The following SPATA2 variants were observed in gnomAD, a reference collection of about 807,000 sequenced individuals.
SPATA2 encodes the protein spermatogenesis-associated protein 2.
A neutral mutation model predicts 35.4 loss-of-function variants in SPATA2; 8 were observed. The observed-to-expected ratio is 0.23, with a 90% confidence interval of 0.13 to 0.41. The LOEUF is 0.41. Among genes scored for constraint, SPATA2 ranks in the 10% least tolerant of loss-of-function variants. The pLI, the probability that SPATA2 is intolerant of heterozygous loss-of-function variation, is 1.00. For synonymous variants in SPATA2, 293 were observed against 300.9 expected, an observed-to-expected ratio of 0.97 and a Z score of 0.27; for missense variants, 650 against 698.7, an observed-to-expected ratio of 0.93 and a Z score of 0.79.
At chr20:49,907,461 T>C (rs1196967807) in intron 2 of SPATA2, among the ~76,000 whole-genome samples, 1 of 152,126 alleles carries the variant, frequency 6.6e-6, no homozygotes, top group African/African-American at 2.4e-5. Context: ...CATGGCTGAA[T>C]AAAGGGGCCA....
chr20:49,913,650 T>C (rs1600857649), intron 1 of SPATA2: 2 of 151,678 alleles, frequency 1.3e-5, no homozygotes, highest in African/African-American at 4.9e-5. Context: ...GCGAGCAGAG[T>C]TGAGTTACAA....
rs143910300 is a variant in SPATA2, at chr20:49,906,304, C to A, written c.878G>T (p.Arg293Leu). The change falls in exon 3 of 3, where the codon CGC becomes CTC. Residue 293 changes from arginine (R) to leucine (L), a missense_variant. Arg to Leu is a moderately radical substitution (Grantham distance 102, BLOSUM62 -2). Coordinates refer to ENST00000289431, the MANE Select transcript of SPATA2 (RefSeq NM_006038.4). The surrounding 1 kb of genome is among the most constrained non-coding windows in gnomAD (Gnocchi z 8.2). ...CATGGTCAGCAGCGAAGGGGATGGG[C>A]GGATGATCTCATCCTTGAGGTCGTC... is the stretch of plus-strand genomic sequence containing the variant. ...VGDDLKDEII[R>L]PSPSLLTMAS... The A allele has an allele frequency of 7.5e-6, 12 of 1,590,356 alleles. No individual in the cohort carries two copies. The highest frequency in any genetic ancestry group is 9.4e-6 in the Non-Finnish European group (11 of 1,167,052).
chr20:49,903,793 A>G lies in SPATA2; in HGVS notation c.*1826T>C, dbSNP rs2090120963. 6.6e-6 allele frequency: 1 copy of G among 151,806 alleles called. No homozygotes were observed. 9.4% of individuals were successfully genotyped at this position (151,806 alleles called of 1,614,324 possible). A position where few individuals can be genotyped will look rare whatever the true frequency, so the allele number is the denominator to read the frequency against. The stretch of plus-strand genomic sequence containing the variant: ...GGCATTGCCGATTCTGAAATGTGAA[A>G]AGGAAGAACATCAAAGATGAATGCC... On this transcript the variant is annotated 3_prime_UTR_variant, in exon 3 of 3. Coordinates refer to ENST00000289431, the MANE Select transcript of SPATA2 (RefSeq NM_006038.4).
In SPATA2 at chr20:49,905,678, T is replaced by A; in HGVS notation, c.1504A>T (p.Met502Leu). The A allele has an allele frequency of 6.2e-7, 1 of 1,614,250 alleles. No homozygotes were observed. Among genetic ancestry groups the A allele is most frequent in the South Asian group, 1.1e-5 (1 of 91,084 alleles). Residue 502 changes from methionine (M) to leucine (L), a missense_variant, in exon 3 of 3, where the codon ATG becomes TTG. Physicochemically the swap from Met to Leu is conservative, Grantham distance 15 (BLOSUM62 2). Coordinates refer to ENST00000289431, the MANE Select transcript of SPATA2 (RefSeq NM_006038.4). ...CYKKSELHKF[M>L]PNNQLNYKST... ...TTGTAGTTCAGCTGGTTGTTGGGCA[T>A]GAACTTGTGCAGCTCACTCTTTTTG...
intron 1 of SPATA2, 130 bp downstream of exon 1, chr20:49,915,250 C>G (rs1055519114): frequency 2.6e-5 from 4 of 152,494 alleles, no homozygotes; most frequent in South Asian, 2.1e-4. Flanking sequence ...AAACAGCGGG[C>G]CCACCTGTAG....
At chr20:49,910,220 G>A (rs1378924242) in intron 1 of SPATA2, among the ~76,000 whole-genome samples, 1 of 152,216 alleles carries the variant, frequency 6.6e-6, no homozygotes, top group East Asian at 1.9e-4. Context: ...TGAGGCCAGG[G>A]CTGCTTCTCC....
In SPATA2 at chr20:49,906,922, G is replaced by A; in HGVS notation, c.337-77C>T. On this transcript the variant is annotated intron_variant, in intron 2 of 2. Transcript: ENST00000289431. The surrounding 1 kb of genome is among the most constrained non-coding windows in gnomAD (Gnocchi z 8.2). ...AGACAGAGACTATGTCAAAGCAAAG[G>A]ATGTCCAGCTCTGAAGTGGGGCGGC... 6.7e-7 allele frequency: 1 copy of A among 1,500,794 alleles called. No homozygotes were observed. The highest frequency in any genetic ancestry group is 2.2e-4 in the Middle Eastern group (1 of 4,492). 93.0% of individuals were successfully genotyped at this position (1,500,794 alleles called of 1,614,324 possible). A position where few individuals can be genotyped will look rare whatever the true frequency, so the allele number is the denominator to read the frequency against.
intron 1 of SPATA2, 23 bp from the exon 2 acceptor site, chr20:49,908,615 C>T: frequency 1.3e-6 from 1 of 787,686 alleles, no homozygotes; most frequent in Non-Finnish European, 2.0e-6. Context: ...GAACAAGAAG[C>T]ATGTCATTCC....
chr20:49,909,184 G>C (rs1204127076), intron 1 of SPATA2, among the ~76,000 whole-genome samples: 2 of 152,016 alleles, frequency 1.3e-5, no homozygotes, highest in African/African-American at 4.8e-5. Flanking sequence ...CACCACGCCT[G>C]GTTAATTTTT....
Position 49,905,418 on chromosome 20 carries a change from C to CA in SPATA2, c.*200dup. ...ACGGAAGTGCCACCTTCTCCCTTGTCAGACAACAAAGCAGCCATTGGTTGA... is the reference window on the plus strand; with the variant it reads ...ACGGAAGTGCCACCTTCTCCCTTGTCAAGACAACAAAGCAGCCATTGGTTGA... On this transcript the variant is annotated 3_prime_UTR_variant, in exon 3 of 3. Transcript: ENST00000289431. The CA allele has an allele frequency of 5.1e-6, 3 of 592,288 alleles. No homozygotes were observed. The highest frequency in any genetic ancestry group is 6.0e-5 in the Admixed American group (2 of 33,068). The allele number at this position is 592,288 out of a possible 1,614,324, so 36.7% of individuals were successfully genotyped here.
At chr20:49,907,889 C>T (rs1034230573) in intron 2 of SPATA2, among the ~76,000 whole-genome samples, 2 of 151,714 alleles carry the variant, frequency 1.3e-5, no homozygotes, top group African/African-American at 2.4e-5. Context: ...TCCCCGCCTA[C>T]TCAGAACAAA....
Position 49,908,241 on chromosome 20 carries a change from C to T in SPATA2, c.250G>A (p.Ala84Thr), listed in dbSNP as rs376917315. ...LRSLSSSSLR[A>T]LHGAFSMLET... ...AGCATGCTGAAGGCGCCGTGCAGAGCCCGCAGGCTAGAGGAGCTGAGCGAG... is the reference window on the plus strand; with the variant it reads ...AGCATGCTGAAGGCGCCGTGCAGAGTCCGCAGGCTAGAGGAGCTGAGCGAG... The change falls in exon 2 of 3, where the codon GCT (alanine) becomes ACT (threonine). Residue 84 changes from alanine to threonine, a missense_variant. Ala to Thr is a moderately conservative substitution (Grantham distance 58, BLOSUM62 0). Transcript: ENST00000289431. The T allele has an allele frequency of 1.2e-6, 2 of 1,614,132 alleles. No homozygotes were observed. Among genetic ancestry groups the T allele is most frequent in the Non-Finnish European group, 8.5e-7 (1 of 1,180,034 alleles).
Position 49,905,872 on chromosome 20 carries a change from G to C in SPATA2, c.1310C>G (p.Thr437Ser). ...GTGCGGGAGGCGGTCGAGGCCCTGA[G>C]TCTGGCCTGGGTACTTCTCCCGCAG... Reference protein sequence around the residue: ...ASLREKYPGQTQGLDRLPHLH... With the variant: ...ASLREKYPGQSQGLDRLPHLH... Residue 437 changes from threonine (T) to serine (S), a missense_variant, in exon 3 of 3, where the codon ACT becomes AGT. Physicochemically the swap from Thr to Ser is moderately conservative, Grantham distance 58. Coordinates refer to ENST00000289431, the MANE Select transcript of SPATA2 (RefSeq NM_006038.4). 1 of 1,613,508 alleles carries C rather than the reference G, an allele frequency of 6.2e-7. No individual in the cohort carries two copies. The highest frequency in any genetic ancestry group is 8.5e-7 in the Non-Finnish European group (1 of 1,180,020).
chr20:49,911,025 G>A (rs1206661552), intron 1 of SPATA2, among the ~76,000 whole-genome samples: 1 of 152,122 alleles, frequency 6.6e-6, no homozygotes, highest in African/African-American at 2.4e-5. Context: ...GACCAGCCTG[G>A]GCAACATAGC....
rs1483063016 is a variant in SPATA2 at position 49,908,491 on chromosome 20, C to A, written c.-1G>T. ...TATCCATTGAACTGGGCTTCCCCAT[C>A]CGATCGAGGGGGGCTACCTTATCTC... is the stretch of plus-strand genomic sequence containing the variant. On this transcript the variant is annotated 5_prime_UTR_variant, in exon 2 of 3. Transcript: ENST00000289431. 6.3e-7 allele frequency: 1 copy of A among 1,583,164 alleles called. No individual in the cohort carries two copies. Among genetic ancestry groups the A allele is most frequent in the Non-Finnish European group, 8.6e-7 (1 of 1,158,830 alleles).
chr20:49,905,637 G>T lies in SPATA2; in HGVS notation c.1545C>A (p.Ser515=). ...GGCCGGTCTATCTGTACACGAGATG[G>T]GAGAGCTGGGTGGACTTGTAGTTCA... is the stretch of plus-strand genomic sequence containing the variant. ...NQLNYKSTQL[S]HLVYR is the part of the protein sequence containing the mutation. Residue 515 remains serine (S), a synonymous_variant, in exon 3 of 3, where the codon TCC becomes TCA. Transcript: ENST00000289431. The T allele has an allele frequency of 6.2e-7, 1 of 1,614,248 alleles. No individual in the cohort carries two copies. Among genetic ancestry groups the T allele is most frequent in the African/African-American group, 1.3e-5 (1 of 75,068 alleles).
chr20:49,914,788 CGG>C (rs896133605), intron 1 of SPATA2, among the ~76,000 whole-genome samples: 1 of 152,208 alleles, frequency 6.6e-6, no homozygotes, highest in Admixed American at 6.5e-5. Flanking sequence ...CCTACAGCCT[CGG>C]GGGGCCACGT....
rs1478535436 is a variant in SPATA2 at position 49,905,240 on chromosome 20, T to C, written c.*379A>G. On this transcript the variant is annotated 3_prime_UTR_variant, in exon 3 of 3. Coordinates refer to ENST00000289431, the MANE Select transcript of SPATA2 (RefSeq NM_006038.4). ...CTGAAGGGCCCTTCCCAGTCCAAGT[T>C]GGCTTTGCAATGGGAGGGGTAGGTG... The C allele has an allele frequency of 2.0e-5, 4 of 196,600 alleles. No individual in the cohort carries two copies. In the Admixed American group the frequency reaches 2.2e-4, roughly 11 times the overall value. The allele number at this position is 196,600 out of a possible 1,614,324, so 12.2% of individuals were successfully genotyped here.
intron 1 of SPATA2, among the ~76,000 whole-genome samples, chr20:49,914,909 G>A (rs1343844356): frequency 6.6e-6 from 1 of 152,172 alleles, no homozygotes; most frequent in African/African-American, 2.4e-5. Context: ...TATGCCAGAG[G>A]CCCTGCATGA....
Sources: gnomAD v4.1 joint callset for allele counts (sites outside exome capture counted in the v4.1 genomes callset) on GRCh38, gnomAD v4.1.1 for gene constraint, Gnocchi (gnomAD v3.1) non-coding constraint, MANE v1.5 for transcripts, NCBI Gene and HGNC (gene_info 2026-07-23, HGNC 2026-07-21) for gene names.